VPS13A: variants seen among roughly 807,000 people sequenced by gnomAD.
VPS13A encodes the protein vacuolar protein sorting 13 homolog A, also known as intermembrane lipid transfer protein VPS13A.
VPS13A carries 264 observed loss-of-function variants against 390.9 expected under a neutral mutation model. The observed-to-expected ratio is 0.68, with a 90% CI of 0.61 to 0.75. VPS13A has a LOEUF of 0.75. VPS13A is among the 30% of genes least tolerant of loss of function. VPS13A has a pLI of 0.00. For synonymous variants in VPS13A, 1,231 were observed against 1,227.1 expected (o/e 1.00, Z -0.07); for missense variants, 3,409 against 3,733.9 (o/e 0.91, Z 2.27).
chr9:77,189,080 A>G lies in VPS13A; in HGVS notation c.101-10865A>G, dbSNP rs564033465. 3.3e-4 allele frequency among the ~76,000 whole-genome samples: 49 copies of G among 148,884 alleles called. 1 individual carries two copies. The highest frequency in any genetic ancestry group is 1.1e-3 in the African/African-American group (46 of 40,548). On this transcript the variant is annotated intron_variant, in intron 1 of 71. Coordinates refer to ENST00000360280, the MANE Select transcript of VPS13A (RefSeq NM_033305.3). ...TGTAGATTGTCTGTTTACTCTGTGG[A>G]CAGTTTCATTTGCTGTGCAAGAGCT...
At chr9:77,384,818 T>A in intron 68 of VPS13A, 3 of 1,474,078 alleles carry the variant, frequency 2.0e-6, no homozygotes, top group Non-Finnish European at 2.7e-6. Context: ...CACATTTTCA[T>A]AAAGCAAAAT....
At chr9:77,275,432 T>A (rs1352824776) in intron 24 of VPS13A, 66 bp from the exon 25 acceptor site, 7 of 1,471,600 alleles carry the variant, frequency 4.8e-6, no homozygotes, top group Non-Finnish European at 6.6e-6. Flanking sequence ...CATATTTATT[T>A]CTATTGAAAT....
chr9:77,316,492 G>T, intron 39 of VPS13A, 86 bp downstream of exon 39: 1 of 1,099,074 alleles, frequency 9.1e-7, no homozygotes, highest in Non-Finnish European at 1.4e-6. Context: ...CTACCTACAT[G>T]CTTTCCAACC....
At chr9:77,195,312 G>T (rs1177464987) in intron 1 of VPS13A, among the ~76,000 whole-genome samples, 1 of 152,106 alleles carries the variant, frequency 6.6e-6, no homozygotes, top group Non-Finnish European at 1.5e-5. Context: ...TTTTAGTAGA[G>T]ACCGAGTTTC....
rs780859489 is a variant in VPS13A at position 77,405,954 on chromosome 9, T to C, written c.9366T>C (p.Ile3122=). The C allele has an allele frequency of 2.5e-6, 4 of 1,613,830 alleles. No homozygotes were observed. The East Asian group carries it at 6.7e-5, about 27-fold the overall frequency. Residue 3122 remains isoleucine (I), a synonymous_variant, in exon 70 of 72, where the codon ATT becomes ATC. Coordinates refer to ENST00000360280, the MANE Select transcript of VPS13A (RefSeq NM_033305.3). Reference sequence around the variant, plus strand: ...ATGAATTTACCAAAGAGCCATTCATTGTTCATGGGAGAAGATTGCGCATTG... The same window carrying C: ...ATGAATTTACCAAAGAGCCATTCATCGTTCATGGGAGAAGATTGCGCATTG... ...SFDEFTKEPF[I]VHGRRLRIEA...
intron 23 of VPS13A, among the ~76,000 whole-genome samples, chr9:77,270,313 A>G (rs1420855009): frequency 6.6e-6 from 1 of 152,218 alleles, no homozygotes; most frequent in African/African-American, 2.4e-5. Flanking sequence ...AATGAGGAAC[A>G]TGTTATTTGA....
intron 46 of VPS13A, among the ~76,000 whole-genome samples, chr9:77,334,090 T>C (rs1262637833): frequency 6.6e-6 from 1 of 152,114 alleles, no homozygotes; most frequent in African/African-American, 2.4e-5. Context: ...ATCTGTAATA[T>C]AGTAATATGG....
intron 33 of VPS13A, among the ~76,000 whole-genome samples, chr9:77,301,110 A>G (rs1828324257): frequency 6.6e-6 from 1 of 152,324 alleles, no homozygotes; most frequent in East Asian, 1.9e-4. Context: ...TTTTCCAGAG[A>G]AAGTAATCTT....
At chr9:77,341,063 G>A (rs747680452) in intron 50 of VPS13A, among the ~76,000 whole-genome samples, 1 of 152,116 alleles carries the variant, frequency 6.6e-6, no homozygotes, top group Non-Finnish European at 1.5e-5. Context: ...CTAAAAGTTA[G>A]GATTAGAGAA....
At position 77,308,034 on chromosome 9, in the gene VPS13A, T is replaced by C. The variant is rs767890566; in HGVS notation, c.4050T>C (p.Ala1350=). The C allele has an allele frequency of 2.5e-6, 4 of 1,613,860 alleles. No individual in the cohort carries two copies. In the Admixed American group the frequency reaches 5.0e-5, roughly 20 times the overall value. Residue 1350 remains alanine (A), a synonymous_variant, in exon 35 of 72, where the codon GCT becomes GCC. Transcript: ENST00000360280. The part of the protein sequence containing the change: ...WYEKDGSASP[A]VTKDQYSATS... Reference sequence around the variant, plus strand: ...AAAAAGATGGTAGTGCCTCACCTGCTGTAACAAAAGACCAATACAGTGCCA... The same window carrying C: ...AAAAAGATGGTAGTGCCTCACCTGCCGTAACAAAAGACCAATACAGTGCCA...
At chr9:77,216,977 A>AT (rs1391721724) in intron 10 of VPS13A, among the ~76,000 whole-genome samples, 1 of 152,122 alleles carries the variant, frequency 6.6e-6, no homozygotes, top group Non-Finnish European at 1.5e-5. Flanking sequence ...GCCCACCCAG[A>AT]TTGAGGGTGG....
rs1232149585 is a variant in VPS13A at position 77,344,884 on chromosome 9, A to T, written c.7156-125A>T. ...TCCAGAAATGCAGTACAAAATTCTGAATTGTTTTCTCAGTCATCCCAAAAA... is the reference window on the plus strand; with the variant it reads ...TCCAGAAATGCAGTACAAAATTCTGTATTGTTTTCTCAGTCATCCCAAAAA... On this transcript the variant is annotated intron_variant, in intron 51 of 71. Transcript: ENST00000360280. 5 of 1,034,478 alleles carry T rather than the reference A, an allele frequency of 4.8e-6. No homozygotes were observed. The Admixed American group carries it at 6.0e-5, about 12-fold the overall frequency. The allele number at this position is 1,034,478 out of a possible 1,614,324, so 64.1% of individuals were successfully genotyped here.
intron 71 of VPS13A, among the ~76,000 whole-genome samples, chr9:77,413,532 AGCCATAT>A (rs1272505929): frequency 1.3e-5 from 2 of 152,214 alleles, no homozygotes; most frequent in African/African-American, 4.8e-5. Context: ...AAAACTAGCT[AGCCATAT>A]GTAGAAAGCT....
chr9:77,379,895 T>G (rs1445623459), intron 67 of VPS13A, among the ~76,000 whole-genome samples: 1 of 152,204 alleles, frequency 6.6e-6, no homozygotes, highest in Non-Finnish European at 1.5e-5. Context: ...AAGTTCTCTT[T>G]TTTCCTTGCT....
At chr9:77,413,800 A>G (rs1835050863) in intron 71 of VPS13A, among the ~76,000 whole-genome samples, 1 of 152,248 alleles carries the variant, frequency 6.6e-6, no homozygotes, top group African/African-American at 2.4e-5. Context: ...ATCAGATTGA[A>G]CAGGCAACCT....
chr9:77,239,777 T>C (rs1057432709), intron 19 of VPS13A, among the ~76,000 whole-genome samples: 19 of 152,022 alleles, frequency 1.2e-4, no homozygotes, highest in African/African-American at 4.6e-4. Context: ...TTCCTTGTTT[T>C]ATTTTTCTTG....
chr9:77,303,757 G>A (rs138903377), intron 34 of VPS13A, among the ~76,000 whole-genome samples: 2 of 152,340 alleles, frequency 1.3e-5, no homozygotes, highest in East Asian at 3.9e-4. Flanking sequence ...ACGTAAGCCA[G>A]ATTTATGTTT....
intron 30 of VPS13A, 35 bp from the exon 31 acceptor site, chr9:77,283,512 T>C: frequency 6.2e-7 from 1 of 1,606,406 alleles, no homozygotes; most frequent in Non-Finnish European, 8.5e-7. Context: ...AGACATTAAA[T>C]GAAAGAAAAG....
intron 17 of VPS13A, among the ~76,000 whole-genome samples, chr9:77,229,632 T>A (rs1198276289): frequency 6.6e-6 from 1 of 152,196 alleles, no homozygotes; most frequent in African/African-American, 2.4e-5. Context: ...CCTAGTAATC[T>A]CTATTATGGA....
Sources: allele counts gnomAD v4.1 joint callset (sites outside exome capture counted in the v4.1 genomes callset), GRCh38; gene constraint gnomAD v4.1.1; transcripts MANE v1.5; gene names NCBI Gene and HGNC (gene_info 2026-07-23, HGNC 2026-07-21).